The following KANSL1L variants were observed in gnomAD, a reference collection of about 807,000 sequenced individuals.
The protein encoded by KANSL1L is KAT8 regulatory NSL complex subunit 1 like.
Under a neutral mutation model 108.6 loss-of-function variants are expected in KANSL1L, and 25 were observed. The ratio of observed to expected loss-of-function variants is 0.23; its 90% CI spans 0.17 to 0.32. KANSL1L has a LOEUF of 0.32. Ranked by LOEUF, KANSL1L falls within the 10% of genes least tolerant of loss-of-function variation. The pLI is 1.00. For synonymous variants in KANSL1L, 405 were observed against 395.1 expected, an observed-to-expected ratio of 1.03 and a Z score of -0.30; for missense variants, 1,137 against 1,125.7, an observed-to-expected ratio of 1.01 and a Z score of -0.14.
intron 6 of KANSL1L, among the ~76,000 whole-genome samples, chr2:210,067,862 TTTTTA>T (rs1305485710): frequency 3.3e-5 from 5 of 152,022 alleles, no homozygotes; most frequent in African/African-American, 9.7e-5. Flanking sequence ...CTTATGCATA[TTTTTA>T]TTTTATTTTA....
rs1053369708 is a variant in KANSL1L at position 210,084,027 on chromosome 2, C to T, written c.1551-8271G>A. On this transcript the variant is annotated intron_variant, in intron 5 of 14. Coordinates refer to ENST00000281772, the MANE Select transcript of KANSL1L (RefSeq NM_152519.4). ...CTCTGGGTAATAAGTAGAGAAACTACATCTCTTACTCAAAAATGGAAGTCT... is the reference window on the plus strand; with the variant it reads ...CTCTGGGTAATAAGTAGAGAAACTATATCTCTTACTCAAAAATGGAAGTCT... 4.6e-5 allele frequency among the ~76,000 whole-genome samples: 7 copies of T among 152,150 alleles called. No homozygotes were observed. The South Asian group carries it at 1.5e-3, about 32-fold the overall frequency.
chr2:210,157,691 G>GAAAAAAAAAAA (rs56676129), intron 1 of KANSL1L, among the ~76,000 whole-genome samples: 1 of 47,214 alleles, frequency 2.1e-5, no homozygotes, highest in African/African-American at 6.0e-5. Flanking sequence ...CACTGTCACA[G>GAAAAAAAAAAA]AAAAAAAAAA....
rs562658339 is a variant in KANSL1L at position 210,115,549 on chromosome 2, G to A, written c.1231-11248C>T. Among the ~76,000 whole-genome samples the A allele has an allele frequency of 3.9e-5, 6 of 152,134 alleles. No homozygotes were observed. The East Asian group carries it at 9.7e-4, about 24-fold the overall frequency. ...AATTAAAGACATAACCCACTGAGAC[G>A]CCAAAACTCTCTAACCTTGTGAGAA... On this transcript the variant is annotated intron_variant, in intron 3 of 14. Transcript: ENST00000281772.
intron 2 of KANSL1L, among the ~76,000 whole-genome samples, chr2:210,140,692 G>A (rs2095219692): frequency 6.6e-6 from 1 of 152,156 alleles, no homozygotes; most frequent in Non-Finnish European, 1.5e-5. Context: ...TATGGAAAAT[G>A]CCAGTGGAAT....
chr2:210,110,411 C>T (rs1045491555), intron 3 of KANSL1L, among the ~76,000 whole-genome samples: 4 of 151,958 alleles, frequency 2.6e-5, no homozygotes, highest in African/African-American at 7.3e-5. Context: ...TTGCTAACTT[C>T]GTAAGGCCTT....
intron 2 of KANSL1L, chr2:210,151,880 T>C (rs1194891672): frequency 1.3e-5 from 2 of 152,224 alleles, no homozygotes; most frequent in African/African-American, 2.4e-5. Flanking sequence ...TTTCTCACTA[T>C]AAAAACTAAT....
rs553074236 is a variant in KANSL1L at position 210,059,614 on chromosome 2, C to CA, written c.1756-15511dup. 3.4e-4 allele frequency among the ~76,000 whole-genome samples: 52 copies of CA among 152,274 alleles called. No homozygotes were observed. In the East Asian group the frequency reaches 8.9e-3, roughly 26 times the overall value. The stretch of plus-strand genomic sequence containing the variant: ...TATACATGCTATAAATTTATCTCTC[C>CA]AGTCAACCTATAGAAGTCCCTGGAG... On this transcript the variant is annotated intron_variant, in intron 6 of 14. Transcript: ENST00000281772.
At chr2:210,028,678 A>G in intron 11 of KANSL1L, 167 bp downstream of exon 11, 1 of 560,730 alleles carries the variant, frequency 1.8e-6, no homozygotes, top group Non-Finnish European at 3.1e-6. Context: ...TTGTGATACT[A>G]TATAACACTT....
intron 7 of KANSL1L, among the ~76,000 whole-genome samples, chr2:210,041,957 CTAAA>C (rs1559508648): frequency 6.6e-6 from 1 of 152,104 alleles, no homozygotes; most frequent in African/African-American, 2.4e-5. Context: ...GGAATAAAAA[CTAAA>C]TATTCTCCTT....
chr2:210,096,775 G>A, intron 5 of KANSL1L: 2 of 952,886 alleles, frequency 2.1e-6, no homozygotes, highest in Non-Finnish European at 2.5e-6. Flanking sequence ...TATGAGGAAT[G>A]AATATAAAGT....
chr2:210,126,779 T>C (rs967833482), intron 3 of KANSL1L, among the ~76,000 whole-genome samples: 4 of 152,286 alleles, frequency 2.6e-5, no homozygotes, highest in African/African-American at 2.4e-5. Context: ...TATCGTGCCA[T>C]TGCACTCCAG....
chr2:210,105,737 G>A (rs557041865), intron 3 of KANSL1L, among the ~76,000 whole-genome samples: 3 of 151,608 alleles, frequency 2.0e-5, no homozygotes, highest in Non-Finnish European at 2.9e-5. Flanking sequence ...TAGTAAATGC[G>A]CTTTTTAAAA....
At chr2:210,127,095 A>G (rs558819439) in intron 3 of KANSL1L, among the ~76,000 whole-genome samples, 1 of 152,296 alleles carries the variant, frequency 6.6e-6, no homozygotes, top group African/African-American at 2.4e-5. Context: ...TGGTACTGGC[A>G]TAAAGACAGA....
intron 5 of KANSL1L, among the ~76,000 whole-genome samples, chr2:210,079,592 A>G (rs76686784): frequency 1.2e-5 from 1 of 80,834 alleles, no homozygotes; most frequent in African/African-American, 3.6e-5. Context: ...CTCTGTCTCA[A>G]AAAAAAAAAA....
intron 5 of KANSL1L, among the ~76,000 whole-genome samples, chr2:210,082,639 GC>G (rs2094599336): frequency 6.6e-6 from 1 of 152,164 alleles, no homozygotes; most frequent in South Asian, 2.1e-4. Context: ...CCTGCCCTTT[GC>G]TTCAAAATAC....
chr2:210,148,191 T>G (rs2095278617), intron 2 of KANSL1L, among the ~76,000 whole-genome samples: 1 of 152,190 alleles, frequency 6.6e-6, no homozygotes, highest in Admixed American at 6.5e-5. Context: ...AAGATATTGG[T>G]AGGTTTCCTG....
Position 210,038,754 on chromosome 2 carries a change from CTT to C in KANSL1L, c.2029+1664_2029+1665del, listed in dbSNP as rs138321714. 3.4e-4 allele frequency among the ~76,000 whole-genome samples: 51 copies of C among 151,882 alleles called. No homozygotes were observed. The East Asian group carries it at 8.9e-3, about 27-fold the overall frequency. ...TTAATGCCTTTGATTACAAAGGAAACTTAGTTATATAGAGCATGGCTCCAAGC... is the reference window on the plus strand; with the variant it reads ...TTAATGCCTTTGATTACAAAGGAAACAGTTATATAGAGCATGGCTCCAAGC... On this transcript the variant is annotated intron_variant, in intron 8 of 14. Transcript: ENST00000281772.
intron 2 of KANSL1L, chr2:210,152,748 A>T (rs1048461408): frequency 6.6e-6 from 1 of 152,230 alleles, no homozygotes; most frequent in Non-Finnish European, 1.5e-5. Flanking sequence ...GAAAAAAAGT[A>T]GTAAGTCAAC....
At chr2:210,057,896 T>G (rs911537380) in intron 6 of KANSL1L, among the ~76,000 whole-genome samples, 1 of 152,160 alleles carries the variant, frequency 6.6e-6, no homozygotes, top group Non-Finnish European at 1.5e-5. Flanking sequence ...CTGAGGAGGA[T>G]GTACATCACC....
Sources: gnomAD v4.1 joint callset for allele counts (sites outside exome capture counted in the v4.1 genomes callset) on GRCh38, gnomAD v4.1.1 for gene constraint, MANE v1.5 for transcripts, NCBI Gene and HGNC (gene_info 2026-07-23, HGNC 2026-07-21) for gene names.